PLXDC2: variants seen among roughly 807,000 people sequenced by gnomAD.
PLXDC2 encodes plexin domain containing 2, also known as plexin domain-containing protein 2.
In PLXDC2, 40 loss-of-function variants were observed where a neutral mutation model predicts 68.9. That is an observed-to-expected ratio of 0.58 (90% CI 0.45 to 0.76). The LOEUF (loss-of-function observed/expected upper bound fraction) is 0.76. Ranked by LOEUF, PLXDC2 falls within the 30% of genes least tolerant of loss-of-function variation. The probability of loss-of-function intolerance (pLI) is 0.00; values close to 1 mark genes in which losing one functional copy is unlikely to be tolerated. For missense variants in PLXDC2, 644 were observed against 661.9 expected (o/e 0.97, Z 0.30); for synonymous variants, 243 against 234.2 (o/e 1.04, Z -0.34).
intron 2 of PLXDC2, among the ~76,000 whole-genome samples, chr10:20,045,245 C>T (rs778903650): frequency 6.6e-6 from 1 of 152,086 alleles, no homozygotes; most frequent in Non-Finnish European, 1.5e-5. Context: ...GATCTTGGCT[C>T]ACTGCAACCT....
chr10:19,946,599 G>A (rs1471338211), intron 1 of PLXDC2, among the ~76,000 whole-genome samples: 1 of 151,646 alleles, frequency 6.6e-6, no homozygotes, highest in African/African-American at 2.4e-5. Flanking sequence ...AACCTTTATG[G>A]CACCAGAGAC....
At chr10:20,140,846 G>C (rs758986125) in intron 4 of PLXDC2, among the ~76,000 whole-genome samples, 52 of 151,924 alleles carry the variant, frequency 3.4e-4, no homozygotes, top group Non-Finnish European at 6.9e-4. Flanking sequence ...TAGAGTAGTA[G>C]GGTTTTTTTC....
chr10:20,183,959 C>G (rs1834643517), intron 9 of PLXDC2, among the ~76,000 whole-genome samples: 1 of 151,852 alleles, frequency 6.6e-6, no homozygotes, highest in Non-Finnish European at 1.5e-5. Flanking sequence ...TTGATCCAAT[C>G]AAAGTTATAA....
At position 19,924,448 on chromosome 10, in the gene PLXDC2, C is replaced by T. The variant is rs73601653; in HGVS notation, c.113-77327C>T. Among the ~76,000 whole-genome samples the T allele has an allele frequency of 3.8e-3, 578 of 152,192 alleles. 2 individuals are homozygous for T. The highest frequency in any genetic ancestry group is 0.013 in the African/African-American group (537 of 41,520). On this transcript the variant is annotated intron_variant, in intron 1 of 13. Coordinates refer to ENST00000377252, the MANE Select transcript of PLXDC2 (RefSeq NM_032812.9). ...ACCGATTTCCTTTGAATTTTATGTA[C>T]GGCTAGCAATTACATTGACATTTCT... is the stretch of plus-strand genomic sequence containing the variant.
intron 1 of PLXDC2, among the ~76,000 whole-genome samples, chr10:19,922,253 A>G (rs1833472726): frequency 2.0e-5 from 3 of 152,216 alleles, no homozygotes; most frequent in South Asian, 4.1e-4. Flanking sequence ...GGAGCTAGAC[A>G]TATGCCTCTG....
intron 1 of PLXDC2, among the ~76,000 whole-genome samples, chr10:19,974,000 T>C (rs1012798720): frequency 6.6e-6 from 1 of 152,232 alleles, no homozygotes; most frequent in African/African-American, 2.4e-5. Context: ...GATAATTACT[T>C]TGATTACGCT....
intron 1 of PLXDC2, among the ~76,000 whole-genome samples, chr10:19,944,555 T>C (rs1833870809): frequency 6.6e-6 from 1 of 152,036 alleles, no homozygotes; most frequent in African/African-American, 2.4e-5. Flanking sequence ...TCCCTGAAAA[T>C]GAATAGGTTT....
At chr10:20,176,946 G>A in intron 7 of PLXDC2, 53 bp from the exon 8 acceptor site, 2 of 1,337,608 alleles carry the variant, frequency 1.5e-6, no homozygotes, top group South Asian at 1.2e-5. Flanking sequence ...AAATGCTGTT[G>A]TTTTGTAAGC....
chr10:19,912,594 G>A (rs955867110), intron 1 of PLXDC2, among the ~76,000 whole-genome samples: 11 of 151,920 alleles, frequency 7.2e-5, no homozygotes, highest in East Asian at 1.9e-4. Context: ...CTGTTGATAC[G>A]AGATATTGGT....
At chr10:19,895,788 C>T (rs1218761460) in intron 1 of PLXDC2, among the ~76,000 whole-genome samples, 1 of 152,132 alleles carries the variant, frequency 6.6e-6, no homozygotes, top group Non-Finnish European at 1.5e-5. Flanking sequence ...GGCATGGTGG[C>T]TCGTGCCTGT....
At chr10:19,999,557 A>G (rs1374127582) in intron 1 of PLXDC2, among the ~76,000 whole-genome samples, 4 of 152,162 alleles carry the variant, frequency 2.6e-5, no homozygotes, top group Non-Finnish European at 5.9e-5. Context: ...CATTCTAACA[A>G]GGATCCTGCA....
chr10:20,041,951 C>G (rs1378564338), intron 2 of PLXDC2, among the ~76,000 whole-genome samples: 1 of 152,168 alleles, frequency 6.6e-6, no homozygotes, highest in Non-Finnish European at 1.5e-5. Context: ...TATTATTTAA[C>G]CTTAATTACC....
chr10:20,240,004 AT>A (rs1835493492), intron 12 of PLXDC2, among the ~76,000 whole-genome samples: 1 of 152,134 alleles, frequency 6.6e-6, no homozygotes, highest in Non-Finnish European at 1.5e-5. Context: ...ATGGGAGTTT[AT>A]TGTACAGATT....
chr10:20,273,433 G>C (rs183351653), intron 13 of PLXDC2, among the ~76,000 whole-genome samples: 1 of 152,098 alleles, frequency 6.6e-6, no homozygotes, highest in Non-Finnish European at 1.5e-5. Flanking sequence ...TTCACTCCTG[G>C]TGTCAGATAG....
chr10:20,072,519 G>GAAAT (rs752454528), intron 4 of PLXDC2, among the ~76,000 whole-genome samples: 1 of 100,148 alleles, frequency 1.0e-5, no homozygotes. Flanking sequence ...AAGAAAGAAA[G>GAAAT]AAAGAAAGAA....
At chr10:20,143,179 C>T in intron 4 of PLXDC2, 116 bp from the exon 5 acceptor site, 6 of 1,087,352 alleles carry the variant, frequency 5.5e-6, no homozygotes, top group South Asian at 3.9e-5. Flanking sequence ...CCTTTTTTTC[C>T]AGCTACCATG....
At position 20,288,396 on chromosome 10, in the gene PLXDC2, C is replaced by A. The variant is rs544541445; in HGVS notation, c.*8577C>A. ...GAGAAATTCCAAGCCTGCATTCTGT[C>A]ATGCTAAAATAACCAGCCCATACTT... On this transcript the variant is annotated 3_prime_UTR_variant, in exon 14 of 14. Transcript: ENST00000377252. 1 of 152,100 alleles carries A rather than the reference C, an allele frequency of 6.6e-6. No individual in the cohort carries two copies. The highest frequency in any genetic ancestry group is 2.1e-4 in the South Asian group (1 of 4,812). 9.4% of individuals were successfully genotyped at this position (152,100 alleles called of 1,614,324 possible).
intron 13 of PLXDC2, among the ~76,000 whole-genome samples, chr10:20,255,234 T>TA (rs1354767741): frequency 6.6e-6 from 1 of 151,340 alleles, no homozygotes; most frequent in African/African-American, 2.4e-5. Flanking sequence ...GATAGATAGA[T>TA]ACCACAGAAA....
chr10:20,172,196 A>G (rs1457434493), intron 7 of PLXDC2, among the ~76,000 whole-genome samples: 1 of 150,646 alleles, frequency 6.6e-6, no homozygotes, highest in Non-Finnish European at 1.5e-5. Flanking sequence ...CACCCAATTC[A>G]ATTTAATGAA....
Sources: allele counts gnomAD v4.1 joint callset (sites outside exome capture counted in the v4.1 genomes callset), GRCh38; gene constraint gnomAD v4.1.1; transcripts MANE v1.5; gene names NCBI Gene and HGNC (gene_info 2026-07-23, HGNC 2026-07-21).